ZNF101: variants seen among roughly 807,000 people sequenced by gnomAD.
ZNF101 encodes zinc finger protein 101, also known as zinc finger protein 101 (Y2).
ZNF101 carries 34 observed loss-of-function variants against 42.6 expected under a neutral mutation model. That is an observed-to-expected ratio of 0.80 (90% CI 0.61 to 1.06). The LOEUF (loss-of-function observed/expected upper bound fraction) is 1.06, where lower values mean the gene tolerates loss of function less well. ZNF101 is among the 50% of genes least tolerant of loss of function. The pLI is 0.00. For missense variants in ZNF101, 466 were observed against 530.9 expected, an observed-to-expected ratio of 0.88 and a Z score of 1.20; for synonymous variants, 158 against 183.9, an observed-to-expected ratio of 0.86 and a Z score of 1.14.
At chr19:19,671,914 T>C (rs1452929697) in intron 1 of ZNF101, among the ~76,000 whole-genome samples, 2 of 151,862 alleles carry the variant, frequency 1.3e-5, no homozygotes, top group Non-Finnish European at 2.9e-5. Context: ...CTTCAACGGC[T>C]TGTAACAGCA....
In ZNF101 at chr19:19,680,277, G is replaced by A. The variant is rs149165117; in HGVS notation, c.1288G>A (p.Asp430Asn). 2 of 1,523,864 alleles carry A rather than the reference G, an allele frequency of 1.3e-6. No homozygotes were observed. The highest frequency in any genetic ancestry group is 1.3e-5 in the South Asian group (1 of 74,518). 94.4% of individuals were successfully genotyped at this position (1,523,864 alleles called of 1,614,324 possible). The change falls in exon 4 of 4, where the codon GAT becomes AAT. Residue 430 changes from aspartate to asparagine, a missense_variant. By Grantham distance (23) the Asp-to-Asn change is conservative. Coordinates refer to ENST00000592502, the MANE Select transcript of ZNF101 (RefSeq NM_033204.4). The part of the protein sequence containing the change: ...RSQCFGRRQG[D>N]HLSPGV ...CCAGTGCTTTGGCAGGAGGCAGGGG[G>A]ATCACCTGAGCCCAGGAGTTTGAGA...
intron 1 of ZNF101, among the ~76,000 whole-genome samples, chr19:19,673,687 C>CTTTTTTT (rs573395742): frequency 8.4e-5 from 7 of 82,870 alleles, no homozygotes; most frequent in Admixed American, 1.4e-4. Context: ...GCGTTCAATT[C>CTTTTTTT]TTTTTTTTTT....
At chr19:19,670,162 G>T (rs2062159612) in intron 1 of ZNF101, among the ~76,000 whole-genome samples, 1 of 152,136 alleles carries the variant, frequency 6.6e-6, no homozygotes, top group Non-Finnish European at 1.5e-5. Context: ...AGCCTCCTAG[G>T]GAGGAGTTCT....
intron 1 of ZNF101, among the ~76,000 whole-genome samples, chr19:19,674,343 A>C (rs780457124): frequency 2.3e-4 from 35 of 151,178 alleles, no homozygotes; most frequent in Non-Finnish European, 4.0e-4. Context: ...CACCTGGCTG[A>C]TTGTGTATTT....
At chr19:19,675,705 T>A (rs2062198695) in intron 1 of ZNF101, among the ~76,000 whole-genome samples, 1 of 152,164 alleles carries the variant, frequency 6.6e-6, no homozygotes, top group Non-Finnish European at 1.5e-5. Context: ...GACCTATGAC[T>A]TAGCCTCATT....
Position 19,680,070 on chromosome 19 carries a change from A to T in ZNF101, c.1081A>T (p.Ser361Cys), listed in dbSNP as rs1256791524. 2 of 1,607,534 alleles carry T rather than the reference A, an allele frequency of 1.2e-6. No homozygotes were observed. Among genetic ancestry groups the T allele is most frequent in the African/African-American group, 2.7e-5 (2 of 74,566 alleles). The part of the protein sequence containing the change: ...SCFRRHKKTH[S>C]GEKPYECTRC... ...TTTTCGAAGACATAAAAAAACTCAT[A>T]GTGGAGAAAAGCCATATGAATGTAC... The change falls in exon 4 of 4, where the codon AGT becomes TGT. Residue 361 changes from serine (S) to cysteine (C), a missense_variant. Transcript: ENST00000592502.
At chr19:19,669,137 G>A (rs890145153) in intron 1 of ZNF101, among the ~76,000 whole-genome samples, 171 bp downstream of exon 1, 11 of 152,146 alleles carry the variant, frequency 7.2e-5, no homozygotes, top group Admixed American at 7.2e-4. Context: ...ACCAGCCGCC[G>A]GGACCCCGGG....
intron 1 of ZNF101, among the ~76,000 whole-genome samples, chr19:19,670,024 C>T (rs891370258): frequency 6.6e-6 from 1 of 152,102 alleles, no homozygotes; most frequent in Non-Finnish European, 1.5e-5. Flanking sequence ...GGTATTGGGT[C>T]CTCAGCCCAC....
At chr19:19,677,491 C>T (rs954192515) in intron 1 of ZNF101, 1 of 185,700 alleles carries the variant, frequency 5.4e-6, no homozygotes, top group African/African-American at 2.4e-5. Flanking sequence ...GGTAAACAGG[C>T]CTTTCTAAGG....
At chr19:19,669,103 C>T in intron 1 of ZNF101, 137 bp downstream of exon 1, 1 of 1,266,522 alleles carries the variant, frequency 7.9e-7, no homozygotes. Flanking sequence ...ACCCTTGGTC[C>T]CCTCGGTCGC....
chr19:19,668,934 G>T lies in ZNF101; in HGVS notation c.-30G>T, dbSNP rs745388961. The T allele has an allele frequency of 6.3e-7, 1 of 1,582,658 alleles. No homozygotes were observed. The highest frequency in any genetic ancestry group is 8.6e-7 in the Non-Finnish European group (1 of 1,164,872). ...ACCTGTTCTGGCTGCTCCAGCCCCA[G>T]GAAGGACCCAGGACACCCGGAAGCC... On this transcript the variant is annotated 5_prime_UTR_variant, in exon 1 of 4. In the 5' UTR this introduces an upstream ATG that the reference lacks. Transcript: ENST00000592502.
Position 19,677,796 on chromosome 19 carries a change from A to G in ZNF101, c.4-68A>G. On this transcript the variant is annotated intron_variant, in intron 1 of 3. Transcript: ENST00000592502. ...AGAGCCCGGCGTCATGGGATCACTC[A>G]TGTATTGAGTAGAGATCCCCAGTGC... 8.2e-6 allele frequency: 13 copies of G among 1,577,454 alleles called. No individual in the cohort carries two copies. The South Asian group carries it at 1.3e-4, about 16-fold the overall frequency.
intron 3 of ZNF101, 149 bp from the exon 4 acceptor site, chr19:19,679,032 A>C (rs1298130969): frequency 7.3e-7 from 1 of 1,361,806 alleles, no homozygotes; most frequent in African/African-American, 1.5e-5. Context: ...TAGCAGAATC[A>C]TCAATACACT....
Position 19,679,372 on chromosome 19 carries a change from A to G in ZNF101, c.383A>G (p.Lys128Arg), listed in dbSNP as rs1291645586. ...DRHMRAHAGH[K>R]RSECGGEWRE... ...CACATGAGAGCTCATGCTGGACACAAACGATCTGAGTGTGGTGGGGAATGG... is the reference window on the plus strand; with the variant it reads ...CACATGAGAGCTCATGCTGGACACAGACGATCTGAGTGTGGTGGGGAATGG... Residue 128 changes from lysine to arginine, a missense_variant, in exon 4 of 4, where the codon AAA becomes AGA. Lys to Arg is a conservative substitution (Grantham distance 26, BLOSUM62 2). Transcript: ENST00000592502. 2 of 1,613,972 alleles carry G rather than the reference A, an allele frequency of 1.2e-6. No homozygotes were observed. Among genetic ancestry groups the G allele is most frequent in the East Asian group, 4.5e-5 (2 of 44,890 alleles).
Position 19,678,801 on chromosome 19 carries a change from C to A in ZNF101, c.191+15C>A. The A allele has an allele frequency of 6.2e-7, 1 of 1,602,370 alleles. No homozygotes were observed. Among genetic ancestry groups the A allele is most frequent in the Non-Finnish European group, 8.5e-7 (1 of 1,175,422 alleles). ...ATTAAGCTAAGGTAATCTCCACTCA[C>A]AAGAGGAAGCAGTGTCTCTTGAGGG... On this transcript the variant is annotated intron_variant, in intron 3 of 3. Coordinates refer to ENST00000592502, the MANE Select transcript of ZNF101 (RefSeq NM_033204.4).
In ZNF101 at chr19:19,681,802, A is replaced by G. The variant is rs1015024673; in HGVS notation, c.*1502A>G. The G allele has an allele frequency of 3.3e-5, 5 of 152,152 alleles. No homozygotes were observed. Among genetic ancestry groups the G allele is most frequent in the Non-Finnish European group, 7.4e-5 (5 of 68,026 alleles). 9.4% of individuals were successfully genotyped at this position (152,152 alleles called of 1,614,324 possible). A position where few individuals can be genotyped will look rare whatever the true frequency, so the allele number is the denominator to read the frequency against. On this transcript the variant is annotated 3_prime_UTR_variant, in exon 4 of 4. Coordinates refer to ENST00000592502, the MANE Select transcript of ZNF101 (RefSeq NM_033204.4). ...CGAAAGAAATCCTATAAACGTAAGT[A>G]ATTTTGAAAGCCTGATGCAAATTAA... is the stretch of plus-strand genomic sequence containing the variant.
In ZNF101 at chr19:19,670,732, C is replaced by T. The variant is rs191644582; in HGVS notation, c.3+1766C>T. Reference sequence around the variant, plus strand: ...GTGATTGCGCCACTGCACTGAACGACAGAGTGAGACCCTGTCTTTAAAAAA... The same window carrying T: ...GTGATTGCGCCACTGCACTGAACGATAGAGTGAGACCCTGTCTTTAAAAAA... On this transcript the variant is annotated intron_variant, in intron 1 of 3. Transcript: ENST00000592502. Among the ~76,000 whole-genome samples, 168 of 150,666 alleles carry T rather than the reference C, an allele frequency of 1.1e-3. 1 individual carries two copies. The highest frequency in any genetic ancestry group is 3.9e-3 in the African/African-American group (161 of 40,990).
chr19:19,671,418 G>A (rs765959465), intron 1 of ZNF101, among the ~76,000 whole-genome samples: 1 of 151,986 alleles, frequency 6.6e-6, no homozygotes, highest in East Asian at 1.9e-4. Context: ...GTACTCCTAG[G>A]TCTCTCTCAT....
At position 19,679,185 on chromosome 19, in the gene ZNF101, C is replaced by T; in HGVS notation, c.196C>T (p.Leu66=). The T allele has an allele frequency of 6.2e-7, 1 of 1,610,846 alleles. No individual in the cohort carries two copies. Among genetic ancestry groups the T allele is most frequent in the East Asian group, 2.2e-5 (1 of 44,826 alleles). The part of the protein sequence containing the change: ...YQNLGIKLRS[L]VERLCGRKEG... ...TGCGTTTGTCATTTTTCATAGAAGT[C>T]TGGTGGAGAGACTCTGTGGACGTAA... The change falls in exon 4 of 4, where the codon CTG becomes TTG. Residue 66 remains leucine (L), a synonymous_variant. Coordinates refer to ENST00000592502, the MANE Select transcript of ZNF101 (RefSeq NM_033204.4).
Sources: gnomAD v4.1 joint callset for allele counts (sites outside exome capture counted in the v4.1 genomes callset) on GRCh38, gnomAD v4.1.1 for gene constraint, MANE v1.5 for transcripts, NCBI Gene and HGNC (gene_info 2026-07-23, HGNC 2026-07-21) for gene names.